FSTL5: variants seen among roughly 807,000 people sequenced by gnomAD.
The protein encoded by FSTL5 is follistatin like 5, also known as follistatin-related protein 5.
In FSTL5, 62 loss-of-function variants were observed where a neutral mutation model predicts 89.1. The ratio of observed to expected loss-of-function variants is 0.70; its 90% CI spans 0.57 to 0.86. The LOEUF (loss-of-function observed/expected upper bound fraction) is 0.86. Among genes scored for constraint, FSTL5 ranks in the 40% least tolerant of loss-of-function variants. The pLI is 0.00. For missense variants in FSTL5, 1,057 were observed against 1,001.6 expected, an observed-to-expected ratio of 1.06 and a Z score of -0.75; for synonymous variants, 383 against 346.2, an observed-to-expected ratio of 1.11 and a Z score of -1.18.
intron 6 of FSTL5, among the ~76,000 whole-genome samples, chr4:161,669,105 C>A: frequency 3.0e-5 from 3 of 100,300 alleles, no homozygotes; most frequent in African/African-American, 7.3e-5. Context: ...GAGTGAGACT[C>A]TGTCTCAAAA....
At chr4:161,490,900 T>C (rs900801032) in intron 12 of FSTL5, among the ~76,000 whole-genome samples, 2 of 144,166 alleles carry the variant, frequency 1.4e-5, no homozygotes, top group African/African-American at 5.1e-5. Flanking sequence ...GTTTTATCAA[T>C]TAAAGGAAAA....
At chr4:161,955,599 T>A (rs1735005986) in intron 3 of FSTL5, among the ~76,000 whole-genome samples, 1 of 151,738 alleles carries the variant, frequency 6.6e-6, no homozygotes. Flanking sequence ...AACCTTAGCA[T>A]TTAGCATAAC....
intron 4 of FSTL5, among the ~76,000 whole-genome samples, chr4:161,883,327 T>C (rs1253252408): frequency 6.6e-6 from 1 of 152,206 alleles, no homozygotes; most frequent in African/African-American, 2.4e-5. Context: ...AAACATTCTT[T>C]AACAAAACAT....
intron 10 of FSTL5, among the ~76,000 whole-genome samples, chr4:161,518,276 A>G (rs932419637): frequency 6.6e-6 from 1 of 152,142 alleles, no homozygotes; most frequent in Non-Finnish European, 1.5e-5. Context: ...AAGTGATGAG[A>G]TGGGATAATC....
intron 7 of FSTL5, among the ~76,000 whole-genome samples, chr4:161,637,604 G>T (rs1331658529): frequency 7.2e-6 from 1 of 138,740 alleles, no homozygotes; most frequent in Admixed American, 7.4e-5. Context: ...TAGGTCTAAC[G>T]TTTAAATCTT....
chr4:161,918,988 G>A (rs1314337440), intron 4 of FSTL5, among the ~76,000 whole-genome samples: 2 of 151,994 alleles, frequency 1.3e-5, no homozygotes, highest in Non-Finnish European at 2.9e-5. Flanking sequence ...GATGTCAGGT[G>A]AACAAACCCT....
At chr4:162,070,659 G>A (rs945719628) in intron 2 of FSTL5, among the ~76,000 whole-genome samples, 3 of 151,678 alleles carry the variant, frequency 2.0e-5, no homozygotes, top group Admixed American at 1.3e-4. Context: ...TCAGCTGCCT[G>A]AAAATACAAA....
intron 7 of FSTL5, among the ~76,000 whole-genome samples, chr4:161,620,560 G>T (rs1382679041): frequency 4.6e-5 from 7 of 152,194 alleles, no homozygotes; most frequent in Non-Finnish European, 8.8e-5. Context: ...GGAAGCTGAG[G>T]TAGGAGAATC....
chr4:161,789,362 G>A (rs893956946), intron 4 of FSTL5, among the ~76,000 whole-genome samples: 13 of 151,924 alleles, frequency 8.6e-5, no homozygotes, highest in African/African-American at 2.9e-4. Context: ...ATGGCTTTCT[G>A]GGTTTTTCCA....
chr4:161,951,222 T>G (rs1734885306), intron 3 of FSTL5, among the ~76,000 whole-genome samples: 1 of 152,044 alleles, frequency 6.6e-6, no homozygotes, highest in Non-Finnish European at 1.5e-5. Context: ...TTGAGTCCAT[T>G]AAACCTCTTT....
At position 161,930,292 on chromosome 4, in the gene FSTL5, A is replaced by T. The variant is rs143668488; in HGVS notation, c.161-9640T>A. Among the ~76,000 whole-genome samples the T allele has an allele frequency of 2.5e-3, 379 of 151,958 alleles. 4 individuals carry two copies. Among genetic ancestry groups the T allele is most frequent in the African/African-American group, 8.5e-3 (354 of 41,498 alleles). The stretch of plus-strand genomic sequence containing the variant: ...AAAACTAAATTCTTAGCTTTGGCAT[A>T]AATCTAAATAGAGTCAATGATTAAC... On this transcript the variant is annotated intron_variant, in intron 3 of 15. Coordinates refer to ENST00000306100, the MANE Select transcript of FSTL5 (RefSeq NM_020116.5).
At chr4:161,998,703 TAATC>T (rs1220582630) in intron 3 of FSTL5, among the ~76,000 whole-genome samples, 24 of 152,310 alleles carry the variant, frequency 1.6e-4, no homozygotes, top group African/African-American at 5.3e-4. Flanking sequence ...TTGGGTTCAA[TAATC>T]AATCAATTCA....
At chr4:161,717,959 GTGCAGT>G in intron 6 of FSTL5, among the ~76,000 whole-genome samples, 1 of 152,070 alleles carries the variant, frequency 6.6e-6, no homozygotes, top group African/African-American at 2.4e-5. Flanking sequence ...TCTGTAATAT[GTGCAGT>G]CACTTATTGT....
intron 3 of FSTL5, among the ~76,000 whole-genome samples, chr4:161,992,890 A>G (rs1460235028): frequency 4.8e-5 from 1 of 20,774 alleles, no homozygotes; most frequent in African/African-American, 1.2e-4. Flanking sequence ...ATATATATAT[A>G]TATATATGTG....
intron 3 of FSTL5, among the ~76,000 whole-genome samples, chr4:161,940,456 A>G (rs1734548966): frequency 6.6e-6 from 1 of 151,816 alleles, no homozygotes; most frequent in African/African-American, 2.4e-5. Context: ...ACACAAAAAC[A>G]TCTGCACTGA....
At chr4:161,893,325 A>G (rs948012321) in intron 4 of FSTL5, among the ~76,000 whole-genome samples, 2 of 152,168 alleles carry the variant, frequency 1.3e-5, no homozygotes. Context: ...TAAATTTAAG[A>G]CAGATAATGG....
At chr4:161,522,332 A>C (rs930020059) in intron 10 of FSTL5, among the ~76,000 whole-genome samples, 1 of 152,160 alleles carries the variant, frequency 6.6e-6, no homozygotes, top group Non-Finnish European at 1.5e-5. Context: ...GAAATGTGAG[A>C]GCATTTCCAG....
chr4:161,749,730 T>G (rs915751632), intron 6 of FSTL5, among the ~76,000 whole-genome samples: 2 of 151,698 alleles, frequency 1.3e-5, no homozygotes, highest in Non-Finnish European at 2.9e-5. Context: ...AGGCGGAGCT[T>G]GCAGTGAGCC....
chr4:161,523,125 A>G (rs1311597498), intron 10 of FSTL5, among the ~76,000 whole-genome samples: 1 of 152,198 alleles, frequency 6.6e-6, no homozygotes, highest in Non-Finnish European at 1.5e-5. Flanking sequence ...TTTCTATAAT[A>G]GCTTAATATA....
Sources: gnomAD v4.1 joint callset for allele counts (sites outside exome capture counted in the v4.1 genomes callset) on GRCh38, gnomAD v4.1.1 for gene constraint, MANE v1.5 for transcripts, NCBI Gene and HGNC (gene_info 2026-07-23, HGNC 2026-07-21) for gene names.